Variants in EYA2 observed in about 807,000 individuals in gnomAD.
EYA2 encodes EYA transcriptional coactivator and phosphatase 2, also known as protein phosphatase EYA2.
In EYA2, 31 loss-of-function variants were observed where a neutral mutation model predicts 69.2. The observed-to-expected ratio is 0.45, with a 90% CI of 0.34 to 0.60. EYA2 has a LOEUF of 0.60. Among genes scored for constraint, EYA2 ranks in the 20% least tolerant of loss-of-function variants. The pLI is 0.02. For synonymous variants in EYA2, 257 were observed against 279.4 expected, an observed-to-expected ratio of 0.92 and a Z score of 0.80; for missense variants, 622 against 701.2, an observed-to-expected ratio of 0.89 and a Z score of 1.28.
At chr20:47,072,370 T>C (rs901702926) in intron 6 of EYA2, 118 bp downstream of exon 6, 1 of 998,348 alleles carries the variant, frequency 1.0e-6, no homozygotes, top group Non-Finnish European at 1.5e-6. Flanking sequence ...TGCCTCTTAG[T>C]CCCTGGGTTT....
chr20:46,974,016 C>T lies in EYA2; in HGVS notation c.-10-15985C>T, dbSNP rs774527518. ...GCAGAAGAGTGGAACATTGAAAGCA[C>T]GGGGCTCTCAATCCATCTCTGCTAC... is the stretch of plus-strand genomic sequence containing the variant. On this transcript the variant is annotated intron_variant, in intron 1 of 15. Coordinates refer to ENST00000327619, the MANE Select transcript of EYA2 (RefSeq NM_005244.5). 3.9e-5 allele frequency among the ~76,000 whole-genome samples: 6 copies of T among 152,118 alleles called. No individual in the cohort carries two copies. In the East Asian group the frequency reaches 5.8e-4, roughly 15 times the overall value.
chr20:47,050,199 G>A (rs551514965), intron 5 of EYA2, among the ~76,000 whole-genome samples: 1 of 152,208 alleles, frequency 6.6e-6, no homozygotes, highest in Non-Finnish European at 1.5e-5. Flanking sequence ...AGGTATGCCT[G>A]CCGGAGAGCT....
chr20:46,984,977 G>T (rs148726084), intron 1 of EYA2, among the ~76,000 whole-genome samples: 2 of 152,316 alleles, frequency 1.3e-5, no homozygotes, highest in African/African-American at 4.8e-5. Context: ...AATCAGTGCA[G>T]ACTGAAAATA....
At chr20:46,953,826 A>G (rs368471479) in intron 1 of EYA2, among the ~76,000 whole-genome samples, 2 of 152,262 alleles carry the variant, frequency 1.3e-5, no homozygotes, top group East Asian at 3.9e-4. Context: ...GAATAGGCAT[A>G]GATCGCGTGA....
chr20:47,078,362 C>T (rs2031602536), intron 7 of EYA2, among the ~76,000 whole-genome samples: 2 of 150,354 alleles, frequency 1.3e-5, no homozygotes, highest in South Asian at 4.2e-4. Flanking sequence ...CACACACACA[C>T]ATTCATGCAC....
intron 5 of EYA2, among the ~76,000 whole-genome samples, chr20:47,032,698 G>A (rs998532035): frequency 3.3e-5 from 5 of 152,246 alleles, no homozygotes; most frequent in South Asian, 2.1e-4. Context: ...TTGAATCTCC[G>A]CCTCTGCACT....
chr20:46,970,213 G>A (rs747919553), intron 1 of EYA2, among the ~76,000 whole-genome samples: 4 of 152,314 alleles, frequency 2.6e-5, no homozygotes, highest in Admixed American at 6.5e-5. Flanking sequence ...AATCCAGAGC[G>A]AATGTGAATT....
At chr20:47,147,608 G>A (rs1006704576) in intron 10 of EYA2, among the ~76,000 whole-genome samples, 2 of 152,198 alleles carry the variant, frequency 1.3e-5, no homozygotes, top group African/African-American at 2.4e-5. Context: ...AAAAGCCACT[G>A]GAGGGTTTGG....
rs544969874 is a variant in EYA2, at chr20:46,936,984, A to G, written c.-11+41997A>G. 5.3e-4 allele frequency among the ~76,000 whole-genome samples: 80 copies of G among 152,328 alleles called. 1 individual carries two copies. The highest frequency in any genetic ancestry group is 3.4e-3 in the Middle Eastern group (1 of 294). Reference sequence around the variant, plus strand: ...AAGGTCAGCTCGGGGCGCAGTCCAAAGTGATTTTAAGTGCCCCAGCTAAGT... The same window carrying G: ...AAGGTCAGCTCGGGGCGCAGTCCAAGGTGATTTTAAGTGCCCCAGCTAAGT... On this transcript the variant is annotated intron_variant, in intron 1 of 15. Transcript: ENST00000327619.
intron 10 of EYA2, 39 bp from the exon 11 acceptor site, chr20:47,169,100 G>A: frequency 2.0e-6 from 3 of 1,506,958 alleles, no homozygotes; most frequent in East Asian, 4.5e-5. Context: ...AACCAGGCAT[G>A]TTCTCTCTCT....
chr20:47,103,064 C>T (rs1022601586), intron 9 of EYA2, among the ~76,000 whole-genome samples: 1 of 152,058 alleles, frequency 6.6e-6, no homozygotes, highest in African/African-American at 2.4e-5. Flanking sequence ...AGCTCAACTC[C>T]AGGACCTGTT....
At chr20:46,955,973 G>A (rs1019748909) in intron 1 of EYA2, among the ~76,000 whole-genome samples, 3 of 152,210 alleles carry the variant, frequency 2.0e-5, no homozygotes, top group Non-Finnish European at 4.4e-5. Context: ...AGCAAAGTGG[G>A]TGTGTCTGTG....
At chr20:47,141,274 C>T (rs872609) in intron 9 of EYA2, among the ~76,000 whole-genome samples, 5,240 of 152,278 alleles carry the variant, frequency 0.034, 239 homozygotes, top group East Asian at 0.17. Flanking sequence ...TTTATATCCT[C>T]CTAGACTAGT....
intron 9 of EYA2, among the ~76,000 whole-genome samples, chr20:47,127,801 C>G (rs11907006): frequency 0.021 from 3,271 of 152,292 alleles, 110 homozygotes; most frequent in African/African-American, 0.074. Flanking sequence ...ATTCAAGCTT[C>G]TTAGAGCAAG....
At chr20:47,074,434 C>A in intron 7 of EYA2, 99 bp downstream of exon 7, 1 of 1,292,710 alleles carries the variant, frequency 7.7e-7, no homozygotes, top group Non-Finnish European at 1.1e-6. Context: ...AAACAGGTTA[C>A]CCAAGGGTCA....
intron 1 of EYA2, among the ~76,000 whole-genome samples, chr20:46,920,245 A>AC (rs1555803085): frequency 2.0e-5 from 3 of 151,334 alleles, no homozygotes; most frequent in Non-Finnish European, 4.4e-5. Context: ...AAAAAAAAAA[A>AC]CAGTATCTGC....
chr20:46,970,948 CG>C (rs1555807813), intron 1 of EYA2, among the ~76,000 whole-genome samples: 87 of 152,076 alleles, frequency 5.7e-4, no homozygotes, highest in Admixed American at 6.5e-4. Flanking sequence ...AATACTATGA[CG>C]GGGGAAATAG....
chr20:47,116,785 C>T (rs988491580), intron 9 of EYA2, among the ~76,000 whole-genome samples: 1 of 152,182 alleles, frequency 6.6e-6, no homozygotes, highest in African/African-American at 2.4e-5. Context: ...GGCTCTGGGT[C>T]AGCATCCTGG....
chr20:47,186,755 C>T (rs1209160452), intron 15 of EYA2, among the ~76,000 whole-genome samples: 8 of 152,206 alleles, frequency 5.3e-5, no homozygotes. Context: ...GCTGCTTCCT[C>T]TGGCTGGCTC....
Sources: gnomAD v4.1 joint callset for allele counts (sites outside exome capture counted in the v4.1 genomes callset) on GRCh38, gnomAD v4.1.1 for gene constraint, MANE v1.5 for transcripts, NCBI Gene and HGNC (gene_info 2026-07-23, HGNC 2026-07-21) for gene names.